FBN3: variants seen among roughly 807,000 people sequenced by gnomAD.
FBN3 encodes the protein fibrillin-3.
FBN3 carries 234 observed loss-of-function variants against 330.1 expected under a neutral mutation model. That is an observed-to-expected ratio of 0.71 (90% CI 0.64 to 0.79). FBN3 has a LOEUF of 0.79. Ranked by LOEUF, FBN3 falls within the 30% of genes least tolerant of loss-of-function variation. FBN3 has a pLI of 0.00. For synonymous variants in FBN3, 1,458 were observed against 1,517.3 expected (o/e 0.96, Z 0.91); for missense variants, 3,606 against 3,886.9 (o/e 0.93, Z 1.92).
intron 41 of FBN3, among the ~76,000 whole-genome samples, chr19:8,100,342 T>C (rs2082300305): frequency 6.6e-6 from 1 of 151,310 alleles, no homozygotes; most frequent in African/African-American, 2.4e-5. Context: ...AATGATACTT[T>C]CTCGGAGACA....
chr19:8,135,935 T>TTGGGGGGGGGGGC, intron 13 of FBN3, 26 bp downstream of exon 13: 40 of 1,344,142 alleles, frequency 3.0e-5, no homozygotes, highest in Non-Finnish European at 4.0e-5. Context: ...CGGAAGCCCC[T>TTGGGGGGGGGGGC]GCCCACCCGC....
chr19:8,080,473 GA>G (rs2081750419), intron 59 of FBN3, among the ~76,000 whole-genome samples: 1 of 152,220 alleles, frequency 6.6e-6, no homozygotes, highest in Non-Finnish European at 1.5e-5. Context: ...GGGAAGGCAA[GA>G]TGCCATAAGC....
In FBN3 at chr19:8,131,736, G is replaced by A. The variant is rs371118149; in HGVS notation, c.1808C>T (p.Ala603Val). 20 of 1,613,564 alleles carry A rather than the reference G, an allele frequency of 1.2e-5. No homozygotes were observed. Among genetic ancestry groups the A allele is most frequent in the East Asian group, 4.5e-5 (2 of 44,856 alleles). ...SFRCQCLGGLAVGTDGRVCVD... is the reference protein window; with the variant it reads ...SFRCQCLGGLVVGTDGRVCVD... ...GCACACGCGGCCATCCGTGCCTACCGCCAGCCCCCCCAGGCACTGGCAGCG... is the reference window on the plus strand; with the variant it reads ...GCACACGCGGCCATCCGTGCCTACCACCAGCCCCCCCAGGCACTGGCAGCG... Residue 603 changes from alanine to valine, a missense_variant, in exon 15 of 64, where the codon GCG (alanine) becomes GTG (valine). Transcript: ENST00000600128. The surrounding 1 kb of genome is among the most constrained non-coding windows in gnomAD (Gnocchi z 4.5).
intron 13 of FBN3, among the ~76,000 whole-genome samples, chr19:8,135,525 G>T (rs758654850): frequency 1.4e-5 from 1 of 73,700 alleles, no homozygotes; most frequent in South Asian, 4.2e-4. Context: ...CTCCCAAAGT[G>T]CTGGGATTAC....
In FBN3 at chr19:8,112,030, C is replaced by T; in HGVS notation, c.3908G>A (p.Ser1303Asn). Residue 1303 changes from serine to asparagine, a missense_variant, in exon 31 of 64, where the codon AGT (serine) becomes AAT (asparagine). Physicochemically the swap from Ser to Asn is conservative, Grantham distance 46. Transcript: ENST00000600128. ...SHASCLNIPG[S>N]FSCRCLPGWV... ...GCCTGGCAGGCACCTACAGCTGAAA[C>T]TCCCCGGGATGTTGAGACAGGAGGC... 2 of 1,612,528 alleles carry T rather than the reference C, an allele frequency of 1.2e-6. No individual in the cohort carries two copies. The highest frequency in any genetic ancestry group is 1.7e-6 in the Non-Finnish European group (2 of 1,179,436).
Position 8,138,401 on chromosome 19 carries a change from C to CAAG in FBN3, c.1018+10_1018+11insCTT. 1 of 1,610,582 alleles carries CAAG rather than the reference C, an allele frequency of 6.2e-7. No individual in the cohort carries two copies. Among genetic ancestry groups the CAAG allele is most frequent in the Non-Finnish European group, 8.5e-7 (1 of 1,177,860 alleles). The stretch of plus-strand genomic sequence containing the variant: ...TCACCCACAGCCCTGCAGGCTGCAG[C>CAAG]TCTTACTCACTGGAGCCCCGAGGAG... On this transcript the variant is annotated intron_variant, in intron 9 of 63. Transcript: ENST00000600128.
rs571897993 is a variant in FBN3 at position 8,129,419 on chromosome 19, C to A, written c.2045-54G>T. ...CAGCAGAAGGAGGGTGTGTCCGAGG[C>A]AGGAGGAGGGTGTGTCGCGGCGCAC... On this transcript the variant is annotated intron_variant, in intron 16 of 63. Transcript: ENST00000600128. This position sits in a 1 kb window ranked among gnomAD's most constrained non-coding sequence, Gnocchi z 4.5. 77 of 1,602,604 alleles carry A rather than the reference C, an allele frequency of 4.8e-5. 2 individuals carry two copies. The South Asian group carries it at 8.7e-4, about 18-fold the overall frequency.
In FBN3 at chr19:8,078,793, T is replaced by C. The variant is rs113807193; in HGVS notation, c.7453+2210A>G. Among the ~76,000 whole-genome samples, 90 of 59,874 alleles carry C rather than the reference T, an allele frequency of 1.5e-3. 1 individual carries two copies. Among genetic ancestry groups the C allele is most frequent in the South Asian group, 2.8e-3 (8 of 2,824 alleles). The allele number at this position is 59,874 out of a possible 152,430, so 39.3% of individuals were successfully genotyped here. A position where few individuals can be genotyped will look rare whatever the true frequency, so the allele number is the denominator to read the frequency against. ...GTTCAAATGTTCTCTCTCTCTCTCTTTTTTTTTTTTTTGAGTCTTGCTCTG... is the reference window on the plus strand; with the variant it reads ...GTTCAAATGTTCTCTCTCTCTCTCTCTTTTTTTTTTTTGAGTCTTGCTCTG... On this transcript the variant is annotated intron_variant, in intron 59 of 63. Coordinates refer to ENST00000600128, the MANE Select transcript of FBN3 (RefSeq NM_032447.5).
intron 63 of FBN3, among the ~76,000 whole-genome samples, chr19:8,070,899 G>A (rs2145349198): frequency 6.6e-6 from 1 of 152,102 alleles, no homozygotes; most frequent in African/African-American, 2.4e-5. Flanking sequence ...GTGCACGCCT[G>A]TAATCCCAGC....
intron 46 of FBN3, among the ~76,000 whole-genome samples, chr19:8,094,925 C>A (rs765337352): frequency 6.6e-5 from 10 of 152,160 alleles, no homozygotes; most frequent in Non-Finnish European, 1.3e-4. Context: ...ACACAACAAA[C>A]CCCATACATA....
intron 29 of FBN3, 47 bp from the exon 30 acceptor site, chr19:8,115,687 A>C: frequency 6.2e-7 from 1 of 1,602,986 alleles, no homozygotes; most frequent in Non-Finnish European, 8.5e-7. Flanking sequence ...TGCAGGGGTG[A>C]CAGGAGAGGA....
At chr19:8,094,766 G>C (rs901179450) in intron 46 of FBN3, among the ~76,000 whole-genome samples, 2 of 152,144 alleles carry the variant, frequency 1.3e-5, no homozygotes, top group Admixed American at 1.3e-4. Context: ...ACTCTCGTGG[G>C]GTTATAGGTG....
chr19:8,130,156 C>A (rs537904181), intron 16 of FBN3, among the ~76,000 whole-genome samples: 2 of 151,992 alleles, frequency 1.3e-5, no homozygotes, highest in South Asian at 4.1e-4. Flanking sequence ...CCTCAGCCTC[C>A]CAAAGTGCTG....
In FBN3 at chr19:8,096,629, T is replaced by C; in HGVS notation, c.5414-60A>G. ...CCTACCACAGTGTTTGCCTGAGCTCTCCCTACTGCAATGGGGAAGCCAGAA... is the reference window on the plus strand; with the variant it reads ...CCTACCACAGTGTTTGCCTGAGCTCCCCCTACTGCAATGGGGAAGCCAGAA... On this transcript the variant is annotated intron_variant, in intron 43 of 63. Coordinates refer to ENST00000600128, the MANE Select transcript of FBN3 (RefSeq NM_032447.5). The surrounding 1 kb of genome is among the most constrained non-coding windows in gnomAD (Gnocchi z 4.6). 1 of 1,541,774 alleles carries C rather than the reference T, an allele frequency of 6.5e-7. No homozygotes were observed. The highest frequency in any genetic ancestry group is 8.7e-7 in the Non-Finnish European group (1 of 1,145,838).
In FBN3 at chr19:8,108,154, T is replaced by C; in HGVS notation, c.4687+16A>G. On this transcript the variant is annotated intron_variant, in intron 37 of 63. Coordinates refer to ENST00000600128, the MANE Select transcript of FBN3 (RefSeq NM_032447.5). ...TCTAGGCAGACAGATGGATGGATGA[T>C]CTGCCAGGAACTCACCTTCCAGAAT... is the stretch of plus-strand genomic sequence containing the variant. 1 of 1,607,956 alleles carries C rather than the reference T, an allele frequency of 6.2e-7. No homozygotes were observed. Among genetic ancestry groups the C allele is most frequent in the South Asian group, 1.1e-5 (1 of 90,114 alleles).
intron 13 of FBN3, among the ~76,000 whole-genome samples, chr19:8,133,578 G>A (rs1310985322): frequency 6.6e-6 from 1 of 152,010 alleles, no homozygotes; most frequent in Non-Finnish European, 1.5e-5. Context: ...AGCCTCCTGA[G>A]TAGCTGGGAT....
At position 8,090,245 on chromosome 19, in the gene FBN3, CGT is replaced by C; in HGVS notation, c.6036_6037del (p.Arg2013AlafsTer9). The C allele has an allele frequency of 6.2e-7, 1 of 1,613,840 alleles. No homozygotes were observed. The highest frequency in any genetic ancestry group is 8.5e-7 in the Non-Finnish European group (1 of 1,179,974). Reference sequence around the variant, plus strand: ...AAAACGGGTGAAGCAGAAACTCTGCCGTGTGTCTGTGGGGTGGGGGCTCCATT... The same window carrying C: ...AAAACGGGTGAAGCAGAAACTCTGCCGTGTCTGTGGGGTGGGGGCTCCATT... On this transcript the variant is annotated frameshift_variant, in exon 49 of 64. Coordinates refer to ENST00000600128, the MANE Select transcript of FBN3 (RefSeq NM_032447.5). LOFTEE classifies it high-confidence loss of function.
In FBN3 at chr19:8,085,707, C is replaced by T. The variant is rs962813942; in HGVS notation, c.6881-138G>A. On this transcript the variant is annotated intron_variant, in intron 55 of 63. Coordinates refer to ENST00000600128, the MANE Select transcript of FBN3 (RefSeq NM_032447.5). ...CCAGGAGGGAGTTGGATACACAGGA[C>T]AGATGGCCCTAGTGGGTCACCGGCT... The T allele has an allele frequency of 4.3e-5, 27 of 634,404 alleles. No individual in the cohort carries two copies. In the African/African-American group the frequency reaches 4.8e-4, roughly 11 times the overall value. 39.3% of individuals were successfully genotyped at this position (634,404 alleles called of 1,614,324 possible).
In FBN3 at chr19:8,129,433, G is replaced by A. The variant is rs1391990183; in HGVS notation, c.2045-68C>T. On this transcript the variant is annotated intron_variant, in intron 16 of 63. Coordinates refer to ENST00000600128, the MANE Select transcript of FBN3 (RefSeq NM_032447.5). The surrounding 1 kb of genome is among the most constrained non-coding windows in gnomAD (Gnocchi z 4.5). ...TGTGTCCGAGGCAGGAGGAGGGTGT[G>A]TCGCGGCGCACCAGGGGTCTCTAGA... The A allele has an allele frequency of 1.9e-6, 3 of 1,586,956 alleles. No homozygotes were observed. The East Asian group carries it at 6.7e-5, about 36-fold the overall frequency.
Sources: gnomAD v4.1 joint callset for allele counts (sites outside exome capture counted in the v4.1 genomes callset) on GRCh38, gnomAD v4.1.1 for gene constraint, Gnocchi (gnomAD v3.1) non-coding constraint, MANE v1.5 for transcripts, NCBI Gene and HGNC (gene_info 2026-07-23, HGNC 2026-07-21) for gene names.